CIMIP6: variants seen among roughly 807,000 people sequenced by gnomAD.
CIMIP6 encodes ciliary microtubule inner protein 6.
At chr2:54,357,966 A>T in the CIMIP6 span, among the ~76,000 whole-genome samples, 2 of 152,168 alleles carry the variant, frequency 1.3e-5, no homozygotes, top group African/African-American at 4.8e-5. Flanking sequence ...CAGCAACAGT[A>T]CTGAAAGTTG....
At chr2:54,337,475 G>T in the CIMIP6 span, among the ~76,000 whole-genome samples, 1 of 152,228 alleles carries the variant, frequency 6.6e-6, no homozygotes, top group African/African-American at 2.4e-5. Flanking sequence ...CCAGATTAGT[G>T]AAGTTCTTAC....
chr2:54,346,595 G>T, the CIMIP6 span, among the ~76,000 whole-genome samples: 1 of 152,018 alleles, frequency 6.6e-6, no homozygotes, highest in African/African-American at 2.4e-5. Context: ...CTCCCACCAG[G>T]TGTTCAAGTT....
At chr2:54,380,143 C>G in the CIMIP6 span, among the ~76,000 whole-genome samples, 2 of 151,602 alleles carry the variant, frequency 1.3e-5, no homozygotes, top group African/African-American at 4.9e-5. Flanking sequence ...GACCCCATCT[C>G]AAAAAAATAA....
the CIMIP6 span, among the ~76,000 whole-genome samples, chr2:54,337,184 C>T: frequency 6.6e-6 from 1 of 152,296 alleles, no homozygotes; most frequent in East Asian, 1.9e-4. Flanking sequence ...AGTGATTTAA[C>T]ATTTAGATGG....
At chr2:54,373,346 C>T in the CIMIP6 span, among the ~76,000 whole-genome samples, 1 of 149,128 alleles carries the variant, frequency 6.7e-6, no homozygotes, top group African/African-American at 2.5e-5. Flanking sequence ...TCACACCCCC[C>T]ATGGCTGTAA....
chr2:54,343,720 G>A, the CIMIP6 span: 2 of 1,582,756 alleles, frequency 1.3e-6, no homozygotes, highest in East Asian at 2.3e-5. Flanking sequence ...TTCTATAAAG[G>A]GTGACTGGTG....
chr2:54,331,579 G>A, the CIMIP6 span, among the ~76,000 whole-genome samples: 2 of 152,114 alleles, frequency 1.3e-5, no homozygotes, highest in Admixed American at 1.3e-4. Flanking sequence ...ACAGGACTCT[G>A]CTACAGCAAA....
the CIMIP6 span, among the ~76,000 whole-genome samples, chr2:54,335,321 T>C: frequency 1.3e-5 from 2 of 152,202 alleles, no homozygotes; most frequent in African/African-American, 4.8e-5. Context: ...TATATTCTAA[T>C]ATAAAAATGT....
At chr2:54,365,610 C>T in the CIMIP6 span, among the ~76,000 whole-genome samples, 2 of 152,152 alleles carry the variant, frequency 1.3e-5, no homozygotes, top group Admixed American at 6.6e-5. Context: ...TTTGCCTTTG[C>T]CTTCTGCCAT....
the CIMIP6 span, among the ~76,000 whole-genome samples, chr2:54,343,234 G>T: frequency 6.6e-6 from 1 of 152,196 alleles, no homozygotes; most frequent in Non-Finnish European, 1.5e-5. Context: ...TTTTATGTAT[G>T]TATAGCATTG....
the CIMIP6 span, chr2:54,343,948 T>G: frequency 1.6e-6 from 2 of 1,241,040 alleles, no homozygotes; most frequent in Non-Finnish European, 2.1e-6. Context: ...GTATTAGATG[T>G]CCGGACAGCT....
At chr2:54,335,113 G>A in the CIMIP6 span, 1 of 1,004,038 alleles carries the variant, frequency 1.0e-6, no homozygotes. Context: ...TAAAGGATGA[G>A]ACACATCTCA....
chr2:54,351,426 G>A, the CIMIP6 span, among the ~76,000 whole-genome samples: 872 of 152,258 alleles, frequency 5.7e-3, 13 homozygotes, highest in African/African-American at 0.02. Flanking sequence ...CATATACACC[G>A]TGGAACACTA....
At chr2:54,347,799 A>ACTCCT in the CIMIP6 span, among the ~76,000 whole-genome samples, 3 of 152,082 alleles carry the variant, frequency 2.0e-5, no homozygotes, top group Non-Finnish European at 2.9e-5. Flanking sequence ...CCTGCCTCAG[A>ACTCCT]GGTATGTGAT....
At chr2:54,331,122 A>G in the CIMIP6 span, 5 of 922,808 alleles carry the variant, frequency 5.4e-6, no homozygotes, top group Non-Finnish European at 6.7e-6. Context: ...TTGCTTCTCT[A>G]ATTTCCAGTT....
the CIMIP6 span, among the ~76,000 whole-genome samples, chr2:54,359,484 G>C: frequency 6.6e-6 from 1 of 152,070 alleles, no homozygotes; most frequent in African/African-American, 2.4e-5. Context: ...ATCAAAGCAT[G>C]CTGGGCACAG....
the CIMIP6 span, among the ~76,000 whole-genome samples, chr2:54,340,564 T>C: frequency 6.6e-6 from 1 of 152,208 alleles, no homozygotes; most frequent in African/African-American, 2.4e-5. Flanking sequence ...ACCTTTTTTT[T>C]TGGACTGTAA....
chr2:54,333,400 C>T, the CIMIP6 span, among the ~76,000 whole-genome samples: 2 of 152,178 alleles, frequency 1.3e-5, no homozygotes, highest in African/African-American at 2.4e-5. Flanking sequence ...CCAGGCAGAG[C>T]GAACAGCATG....
chr2:54,355,761 G>A, the CIMIP6 span, among the ~76,000 whole-genome samples: 1 of 151,480 alleles, frequency 6.6e-6, no homozygotes, highest in South Asian at 2.1e-4. Context: ...AACATTTTTT[G>A]TTATTCCTTT....
Sources: allele counts gnomAD v4.1 joint callset (sites outside exome capture counted in the v4.1 genomes callset), GRCh38; gene constraint gnomAD v4.1.1; transcripts MANE v1.5; gene names NCBI Gene and HGNC (gene_info 2026-07-23, HGNC 2026-07-21).